The following SMURF1 variants were observed in gnomAD, a reference collection of about 807,000 sequenced individuals.
The protein encoded by SMURF1 is SMAD specific E3 ubiquitin protein ligase 1, also known as E3 ubiquitin-protein ligase SMURF1.
A neutral mutation model predicts 98.0 loss-of-function variants in SMURF1; 44 were observed. That is an observed-to-expected ratio of 0.45 (90% CI 0.35 to 0.58). The LOEUF (loss-of-function observed/expected upper bound fraction) is 0.58, where lower values mean the gene tolerates loss of function less well. Among genes scored for constraint, SMURF1 ranks in the 20% least tolerant of loss-of-function variants. The pLI is 0.00. For synonymous variants in SMURF1, 396 were observed against 374.9 expected, an observed-to-expected ratio of 1.06 and a Z score of -0.65; for missense variants, 687 against 938.4, an observed-to-expected ratio of 0.73 and a Z score of 3.50.
chr7:99,139,171 TTCATCAACCAACA>T (rs2150655707), intron 1 of SMURF1, among the ~76,000 whole-genome samples: 1 of 152,366 alleles, frequency 6.6e-6, no homozygotes, highest in East Asian at 1.9e-4. Context: ...ACACCTGTAA[TTCATCAACCAACA>T]TCATCAACAG....
At chr7:99,057,673 C>G in intron 3 of SMURF1, 122 bp from the exon 4 acceptor site, 2 of 1,154,412 alleles carry the variant, frequency 1.7e-6, no homozygotes, top group Non-Finnish European at 2.3e-6. Flanking sequence ...TGTGTGATCT[C>G]AGCTCACTGC....
chr7:99,123,330 C>T (rs1249090559), intron 1 of SMURF1, among the ~76,000 whole-genome samples: 1 of 151,984 alleles, frequency 6.6e-6, no homozygotes, highest in Non-Finnish European at 1.5e-5. Context: ...ACCAGGAGTT[C>T]GAGACCAGCC....
At chr7:99,054,746 G>A (rs1795839378) in intron 6 of SMURF1, 44 bp downstream of exon 6, 1 of 1,564,944 alleles carries the variant, frequency 6.4e-7, no homozygotes, top group African/African-American at 1.4e-5. Context: ...GAGAGGTTAA[G>A]GCAGCAGAGA....
rs1795338415 is a variant in SMURF1, at chr7:99,040,591, C to T, written c.1372-35G>A. 16 of 1,389,804 alleles carry T rather than the reference C, an allele frequency of 1.2e-5. No homozygotes were observed. In the East Asian group the frequency reaches 4.2e-4, roughly 36 times the overall value. The allele number at this position is 1,389,804 out of a possible 1,614,324, so 86.1% of individuals were successfully genotyped here. A position where few individuals can be genotyped will look rare whatever the true frequency, so the allele number is the denominator to read the frequency against. On this transcript the variant is annotated intron_variant, in intron 12 of 17. Transcript: ENST00000361368. ...GCACCAGAGAACACGAATTTGTCAG[C>T]ATGGTGCCGGCCAATGTGGGAATCT...
intron 12 of SMURF1, 115 bp downstream of exon 12, chr7:99,042,003 C>A: frequency 1.2e-6 from 1 of 804,112 alleles, no homozygotes; most frequent in Admixed American, 2.4e-5. Context: ...GTTTTGCTTA[C>A]CACTGTCTTT....
chr7:99,051,494 T>C (rs546608594), intron 7 of SMURF1, 53 bp from the exon 8 acceptor site: 2 of 1,431,266 alleles, frequency 1.4e-6, no homozygotes, highest in East Asian at 2.3e-5. Context: ...CAGGGAGAGT[T>C]TGTAACCAAC....
intron 1 of SMURF1, among the ~76,000 whole-genome samples, chr7:99,086,245 C>G (rs13312202): frequency 6.6e-6 from 1 of 152,018 alleles, no homozygotes; most frequent in Non-Finnish European, 1.5e-5. Flanking sequence ...ATTCGGGAGG[C>G]TGAGGTGGGA....
At chr7:99,073,287 G>A (rs1262049993) in intron 1 of SMURF1, among the ~76,000 whole-genome samples, 1 of 151,386 alleles carries the variant, frequency 6.6e-6, no homozygotes, top group Non-Finnish European at 1.5e-5. Flanking sequence ...ACTGAGGCAG[G>A]AGAATTGCTT....
chr7:99,040,295 G>GCGCGCGCACA, intron 13 of SMURF1, 83 bp downstream of exon 13: 1 of 697,650 alleles, frequency 1.4e-6, no homozygotes. Context: ...ACACACACAC[G>GCGCGCGCACA]CGCGCGCGCG....
intron 13 of SMURF1, among the ~76,000 whole-genome samples, chr7:99,040,084 G>A (rs941681386): frequency 2.0e-5 from 3 of 152,122 alleles, no homozygotes; most frequent in African/African-American, 7.2e-5. Context: ...CCAACATCAT[G>A]AGGAAAATAA....
At chr7:99,067,609 C>G (rs931537223) in intron 1 of SMURF1, among the ~76,000 whole-genome samples, 1 of 152,156 alleles carries the variant, frequency 6.6e-6, no homozygotes, top group African/African-American at 2.4e-5. Context: ...GAGGTACATT[C>G]AGTTAGTAAA....
At chr7:99,051,005 G>A in intron 8 of SMURF1, 1 of 1,546,190 alleles carries the variant, frequency 6.5e-7, no homozygotes, top group Non-Finnish European at 8.8e-7. Context: ...GAGGCAATGG[G>A]GACAGTAAAG....
At chr7:99,065,983 T>C (rs755120707) in intron 1 of SMURF1, among the ~76,000 whole-genome samples, 7 of 151,580 alleles carry the variant, frequency 4.6e-5, no homozygotes, top group Non-Finnish European at 8.8e-5. Flanking sequence ...GAGGCGGAGG[T>C]TGCAGTGAAC....
intron 1 of SMURF1, among the ~76,000 whole-genome samples, chr7:99,077,322 ATTTTTTTTAT>A (rs542569273): frequency 0.017 from 2,491 of 150,274 alleles, 33 homozygotes; most frequent in Admixed American, 0.027. Context: ...CTTTTTTTTT[ATTTTTTTTAT>A]TTTTTTTTAT....
chr7:99,094,394 A>T (rs1030461414), intron 1 of SMURF1, among the ~76,000 whole-genome samples: 11 of 152,242 alleles, frequency 7.2e-5, no homozygotes, highest in African/African-American at 2.7e-4. Context: ...TTTTAAATAT[A>T]CAGCTCTGGC....
rs1795239767 is a variant in SMURF1, at chr7:99,038,399, T to C, written c.1677A>G (p.Lys559=). Residue 559 remains lysine (K), a synonymous_variant, in exon 14 of 18, where the codon AAA becomes AAG. Transcript: ENST00000361368. ...RNVPVTEENK[K]EYVRLYVNWR... ...ACAGGTGGCATTACCGGACGTATTCTTTCTTATTCTCCTCTGTGACTGGCA... is the reference window on the plus strand; with the variant it reads ...ACAGGTGGCATTACCGGACGTATTCCTTCTTATTCTCCTCTGTGACTGGCA... 1 of 1,614,160 alleles carries C rather than the reference T, an allele frequency of 6.2e-7. No homozygotes were observed. The highest frequency in any genetic ancestry group is 8.5e-7 in the Non-Finnish European group (1 of 1,180,026).
chr7:99,131,333 C>A (rs905820934), intron 1 of SMURF1, among the ~76,000 whole-genome samples: 5 of 151,904 alleles, frequency 3.3e-5, no homozygotes, highest in Admixed American at 6.6e-5. Context: ...TCAATGAATA[C>A]CCTCCTCACC....
At chr7:99,079,337 A>G (rs558384630) in intron 1 of SMURF1, among the ~76,000 whole-genome samples, 1 of 152,334 alleles carries the variant, frequency 6.6e-6, no homozygotes, top group East Asian at 1.9e-4. Flanking sequence ...GTGACTGAAG[A>G]ACACAGCGTG....
At chr7:99,033,906 GGAGGGCGCA>G (rs1203503964) in intron 16 of SMURF1, among the ~76,000 whole-genome samples, 2 of 152,358 alleles carry the variant, frequency 1.3e-5, no homozygotes, top group Middle Eastern at 3.4e-3. Flanking sequence ...TGCTGGGAAA[GGAGGGCGCA>G]GAGGGCACGG....
Sources: gnomAD v4.1 joint callset for allele counts (sites outside exome capture counted in the v4.1 genomes callset) on GRCh38, gnomAD v4.1.1 for gene constraint, MANE v1.5 for transcripts, NCBI Gene and HGNC (gene_info 2026-07-23, HGNC 2026-07-21) for gene names.